CLYBL: variants seen among roughly 807,000 people sequenced by gnomAD.
CLYBL encodes the protein citramalyl-CoA lyase.
CLYBL carries 31 observed loss-of-function variants against 38.9 expected under a neutral mutation model. The ratio of observed to expected loss-of-function variants is 0.80; its 90% CI spans 0.60 to 1.08. The LOEUF is 1.08. CLYBL is among the 50% of genes least tolerant of loss of function. The pLI is 0.00. For synonymous variants in CLYBL, 171 were observed against 158.6 expected, an observed-to-expected ratio of 1.08 and a Z score of -0.59; for missense variants, 434 against 411.6, an observed-to-expected ratio of 1.05 and a Z score of -0.47.
intron 1 of CLYBL, among the ~76,000 whole-genome samples, chr13:99,721,523 A>G (rs1426697228): frequency 6.6e-6 from 1 of 151,886 alleles, no homozygotes; most frequent in Non-Finnish European, 1.5e-5. Flanking sequence ...ACATGTGCAC[A>G]ACGTGCAGGT....
At chr13:99,855,799 T>G (rs906281364) in intron 2 of CLYBL, among the ~76,000 whole-genome samples, 1 of 151,754 alleles carries the variant, frequency 6.6e-6, no homozygotes, top group Admixed American at 6.6e-5. Context: ...AAAAAAAAAA[T>G]TCAACATGCT....
chr13:99,755,307 C>T (rs2049043037), intron 1 of CLYBL, among the ~76,000 whole-genome samples: 1 of 152,164 alleles, frequency 6.6e-6, no homozygotes, highest in Non-Finnish European at 1.5e-5. Flanking sequence ...GGCAGCCTTC[C>T]CTGTGGGCTC....
At chr13:99,725,540 G>A (rs2048458333) in intron 1 of CLYBL, among the ~76,000 whole-genome samples, 1 of 152,156 alleles carries the variant, frequency 6.6e-6, no homozygotes, top group South Asian at 2.1e-4. Flanking sequence ...GGGCAGCAGA[G>A]AGATGAAGGG....
At position 99,834,003 on chromosome 13, in the gene CLYBL, T is replaced by C. The variant is rs143280612; in HGVS notation, c.250-24858T>C. Among the ~76,000 whole-genome samples, 771 of 152,132 alleles carry C rather than the reference T, an allele frequency of 5.1e-3. 6 individuals carry two copies. The highest frequency in any genetic ancestry group is 0.018 in the African/African-American group (737 of 41,502). On this transcript the variant is annotated intron_variant, in intron 2 of 8. Coordinates refer to ENST00000339105, the MANE Select transcript of CLYBL (RefSeq NM_206808.5). Reference sequence around the variant, plus strand: ...GTGTGAGTCACCATGCGCAGCCCTGTGTTGCTTATTTTGAGGACACCTGGG... The same window carrying C: ...GTGTGAGTCACCATGCGCAGCCCTGCGTTGCTTATTTTGAGGACACCTGGG...
chr13:99,902,764 G>C (rs572247558), intron 8 of CLYBL, among the ~76,000 whole-genome samples: 1 of 152,220 alleles, frequency 6.6e-6, no homozygotes, highest in Non-Finnish European at 1.5e-5. Flanking sequence ...AGGCCACAGA[G>C]TAAAACCTTC....
intron 1 of CLYBL, among the ~76,000 whole-genome samples, chr13:99,735,177 T>TTTG (rs961082942): frequency 6.6e-6 from 1 of 152,138 alleles, no homozygotes; most frequent in Non-Finnish European, 1.5e-5. Flanking sequence ...GTTTTAGCTT[T>TTTG]TTGTTGTTGT....
At chr13:99,788,156 T>G (rs1348848544) in intron 2 of CLYBL, among the ~76,000 whole-genome samples, 6 of 152,214 alleles carry the variant, frequency 3.9e-5, no homozygotes, top group African/African-American at 1.4e-4. Context: ...CAGGGACAAT[T>G]TGACTTCCTC....
intron 1 of CLYBL, among the ~76,000 whole-genome samples, chr13:99,684,576 T>C (rs1307485417): frequency 1.3e-5 from 2 of 152,194 alleles, no homozygotes; most frequent in African/African-American, 4.8e-5. Flanking sequence ...CTACTACCAC[T>C]ACCTCACCCA....
chr13:99,714,450 C>T (rs2048282168), intron 1 of CLYBL, among the ~76,000 whole-genome samples: 2 of 149,548 alleles, frequency 1.3e-5, no homozygotes, highest in South Asian at 4.3e-4. Flanking sequence ...AACCCCATCT[C>T]TACTAAAAAT....
At chr13:99,792,205 C>T (rs1254951482) in intron 2 of CLYBL, among the ~76,000 whole-genome samples, 1 of 152,118 alleles carries the variant, frequency 6.6e-6, no homozygotes, top group Non-Finnish European at 1.5e-5. Flanking sequence ...AGAAAAAGTC[C>T]AGAGAAGGCA....
intron 2 of CLYBL, among the ~76,000 whole-genome samples, chr13:99,787,433 C>T (rs2049820761): frequency 6.6e-6 from 1 of 152,110 alleles, no homozygotes; most frequent in Non-Finnish European, 1.5e-5. Flanking sequence ...GCCAGTTTTC[C>T]CAGAACTACT....
intron 1 of CLYBL, among the ~76,000 whole-genome samples, chr13:99,748,738 C>G (rs961239643): frequency 1.3e-5 from 2 of 151,990 alleles, no homozygotes; most frequent in African/African-American, 4.8e-5. Context: ...CGCGCACGGC[C>G]TCTAGTTTCT....
At chr13:99,645,025 G>T (rs577963317) in intron 1 of CLYBL, among the ~76,000 whole-genome samples, 1 of 152,174 alleles carries the variant, frequency 6.6e-6, no homozygotes, top group African/African-American at 2.4e-5. Flanking sequence ...TTTCTTTTGG[G>T]TATATACCTA....
chr13:99,721,585 G>A (rs904095093), intron 1 of CLYBL, among the ~76,000 whole-genome samples: 8 of 150,998 alleles, frequency 5.3e-5, no homozygotes, highest in African/African-American at 7.3e-5. Flanking sequence ...CCATTAACTC[G>A]TCATTTACAT....
chr13:99,737,249 G>C (rs1410873267), intron 1 of CLYBL, among the ~76,000 whole-genome samples: 1 of 152,126 alleles, frequency 6.6e-6, no homozygotes, highest in South Asian at 2.1e-4. Context: ...TGCCTGCCAT[G>C]GTGTTCCAGG....
chr13:99,742,838 G>T (rs544671043), intron 1 of CLYBL, among the ~76,000 whole-genome samples: 43 of 152,198 alleles, frequency 2.8e-4, no homozygotes, highest in Admixed American at 1.2e-3. Context: ...AACTTGGATT[G>T]GGACAGGGAC....
intron 1 of CLYBL, among the ~76,000 whole-genome samples, chr13:99,618,952 T>G (rs778947106): frequency 3.0e-4 from 45 of 152,254 alleles, no homozygotes; most frequent in African/African-American, 1.1e-3. Flanking sequence ...TCCATCCATC[T>G]GTTGATGGAC....
At chr13:99,662,816 G>A (rs1418673378) in intron 1 of CLYBL, among the ~76,000 whole-genome samples, 1 of 152,138 alleles carries the variant, frequency 6.6e-6, no homozygotes, top group Non-Finnish European at 1.5e-5. Context: ...TAGATTGCTT[G>A]AGCACTTTCC....
chr13:99,686,367 A>G (rs1434565813), intron 1 of CLYBL, among the ~76,000 whole-genome samples: 2 of 152,160 alleles, frequency 1.3e-5, no homozygotes, highest in African/African-American at 2.4e-5. Flanking sequence ...CTCCCCTCTG[A>G]GCATCTGGTG....
Sources: gnomAD v4.1 joint callset for allele counts (sites outside exome capture counted in the v4.1 genomes callset) on GRCh38, gnomAD v4.1.1 for gene constraint, MANE v1.5 for transcripts, NCBI Gene and HGNC (gene_info 2026-07-23, HGNC 2026-07-21) for gene names.